SRP54: variants seen among roughly 807,000 people sequenced by gnomAD.
SRP54 encodes the protein signal recognition particle subunit SRP54.
A neutral mutation model predicts 64.8 loss-of-function variants in SRP54; 10 were observed. The ratio of observed to expected loss-of-function variants is 0.15; its 90% CI spans 0.10 to 0.26. SRP54 has a LOEUF of 0.26. Ranked by LOEUF, SRP54 falls within the 10% of genes least tolerant of loss-of-function variation. The probability of loss-of-function intolerance (pLI) is 1.00; values close to 1 mark genes in which losing one functional copy is unlikely to be tolerated. For missense variants in SRP54, 325 were observed against 613.7 expected, an observed-to-expected ratio of 0.53 and a Z score of 4.97; for synonymous variants, 193 against 185.6, an observed-to-expected ratio of 1.04 and a Z score of -0.32.
At chr14:35,007,050 A>T (rs1030923704) in intron 4 of SRP54, among the ~76,000 whole-genome samples, 2 of 152,058 alleles carry the variant, frequency 1.3e-5, no homozygotes, top group African/African-American at 2.4e-5. Flanking sequence ...TTAGTTAACT[A>T]GGTGTGGTGG....
chr14:34,988,805 T>TG (rs1388378842), intron 1 of SRP54, among the ~76,000 whole-genome samples: 5 of 151,530 alleles, frequency 3.3e-5, no homozygotes, highest in Non-Finnish European at 5.9e-5. Flanking sequence ...TCTTGCTATC[T>TG]GGGGGGGATT....
At chr14:35,002,459 C>G (rs79862531) in intron 4 of SRP54, among the ~76,000 whole-genome samples, 55,290 of 148,076 alleles carry the variant, frequency 0.37, 10,797 homozygotes, top group East Asian at 0.69. Context: ...TTTTTTTTGA[C>G]TCTCCCTCTG....
At chr14:35,008,175 G>A (rs1406347673) in intron 5 of SRP54, among the ~76,000 whole-genome samples, 1 of 152,048 alleles carries the variant, frequency 6.6e-6, no homozygotes, top group African/African-American at 2.4e-5. Flanking sequence ...GCAGTGGCAC[G>A]CAAACATAGC....
At chr14:35,022,886 G>T in intron 13 of SRP54, 24 bp from the exon 14 acceptor site, 1 of 1,565,038 alleles carries the variant, frequency 6.4e-7, no homozygotes, top group South Asian at 1.2e-5. Context: ...AATTGTGTGT[G>T]AGAGTAACTG....
chr14:35,014,940 C>A, intron 11 of SRP54, 110 bp downstream of exon 11: 2 of 689,846 alleles, frequency 2.9e-6, no homozygotes, highest in Non-Finnish European at 4.8e-6. Context: ...TCAGATCTTC[C>A]ACTGCTTATT....
intron 1 of SRP54, among the ~76,000 whole-genome samples, chr14:34,984,924 T>TC (rs1317773927): frequency 3.5e-5 from 5 of 143,432 alleles, no homozygotes; most frequent in Admixed American, 7.0e-5. Flanking sequence ...TTTTTTTTTT[T>TC]CACTATGACA....
intron 4 of SRP54, 109 bp downstream of exon 4, chr14:35,001,129 C>A: frequency 1.5e-5 from 5 of 344,748 alleles, no homozygotes; most frequent in East Asian, 5.6e-5. Context: ...GAATATTCAT[C>A]TGTATTAAAA....
intron 2 of SRP54, among the ~76,000 whole-genome samples, chr14:34,998,719 A>G (rs1001734939): frequency 2.0e-5 from 3 of 151,816 alleles, no homozygotes; most frequent in Non-Finnish European, 2.9e-5. Context: ...AGGCTGAGAC[A>G]GGAGAATCTC....
rs771505961 is a variant in SRP54, at chr14:35,029,181, G to T, written c.*29G>T. 23 of 1,573,122 alleles carry T rather than the reference G, an allele frequency of 1.5e-5. No homozygotes were observed. The highest frequency in any genetic ancestry group is 1.7e-4 in the Middle Eastern group (1 of 5,974). The stretch of plus-strand genomic sequence containing the variant: ...AAATGCCTTAATATAAACTGACTCA[G>T]TTGAATACCTAATTTGCTGAGACCT... On this transcript the variant is annotated 3_prime_UTR_variant, in exon 16 of 16. Transcript: ENST00000216774.
chr14:34,984,490 ATTCTT>A (rs2043862730), intron 1 of SRP54, among the ~76,000 whole-genome samples: 1 of 151,918 alleles, frequency 6.6e-6, no homozygotes. Context: ...TCCAAACCTT[ATTCTT>A]TTCATTTCCA....
At chr14:35,005,941 G>T (rs1453085260) in intron 4 of SRP54, among the ~76,000 whole-genome samples, 1 of 152,080 alleles carries the variant, frequency 6.6e-6, no homozygotes, top group African/African-American at 2.4e-5. Context: ...CCGGGTTCAT[G>T]CCATTCTCCT....
chr14:35,001,140 TATTA>T (rs144379252), intron 4 of SRP54, 120 bp downstream of exon 4: 234 of 386,616 alleles, frequency 6.1e-4, no homozygotes, highest in African/African-American at 4.5e-3. Context: ...TGTATTAAAA[TATTA>T]ATGAAAGGAT....
At chr14:34,995,159 G>GTGTGTGTGTT (rs1555353257) in intron 1 of SRP54, among the ~76,000 whole-genome samples, 6 of 140,800 alleles carry the variant, frequency 4.3e-5, no homozygotes, top group African/African-American at 1.6e-4. Flanking sequence ...GTGTGTGTGT[G>GTGTGTGTGTT]TGTGTGTGTG....
intron 4 of SRP54, among the ~76,000 whole-genome samples, chr14:35,003,313 G>A (rs2044206311): frequency 1.3e-5 from 2 of 151,968 alleles, no homozygotes; most frequent in African/African-American, 4.8e-5. Context: ...ACAATGGTAG[G>A]TAAAACTCCC....
At chr14:34,987,423 C>T (rs1402693779) in intron 1 of SRP54, among the ~76,000 whole-genome samples, 1 of 151,782 alleles carries the variant, frequency 6.6e-6, no homozygotes, top group Non-Finnish European at 1.5e-5. Context: ...AAACCCCATA[C>T]CTATTAGCAA....
At position 35,005,274 on chromosome 14, in the gene SRP54, A is replaced by G. The variant is rs540592240; in HGVS notation, c.256-2009A>G. Among the ~76,000 whole-genome samples, 149 of 152,346 alleles carry G rather than the reference A, an allele frequency of 9.8e-4. 1 individual carries two copies. Among genetic ancestry groups the G allele is most frequent in the African/African-American group, 2.8e-3 (115 of 41,584 alleles). On this transcript the variant is annotated intron_variant, in intron 4 of 15. Transcript: ENST00000216774. Reference sequence around the variant, plus strand: ...CTTGAGTCCAAGAGTTCGAGACTGCAGTAAGCCATGATTGATTGTACCAGT... The same window carrying G: ...CTTGAGTCCAAGAGTTCGAGACTGCGGTAAGCCATGATTGATTGTACCAGT...
chr14:35,012,099 C>A (rs566656634), intron 8 of SRP54, among the ~76,000 whole-genome samples: 1 of 151,896 alleles, frequency 6.6e-6, no homozygotes, highest in Admixed American at 6.6e-5. Context: ...TGCCTGTAAT[C>A]CCAGCTACCT....
chr14:35,029,022 T>G (rs773906787), intron 15 of SRP54, 39 bp from the exon 16 acceptor site: 1 of 1,495,536 alleles, frequency 6.7e-7, no homozygotes, highest in Non-Finnish European at 9.3e-7. Flanking sequence ...TGCTTAATAA[T>G]TCTCTGTTTT....
At chr14:34,998,999 GTGTGTGTGTGTGTGGTTTT>G (rs1490754205) in intron 2 of SRP54, among the ~76,000 whole-genome samples, 1 of 96,944 alleles carries the variant, frequency 1.0e-5, no homozygotes, top group African/African-American at 3.5e-5. Context: ...GTGTGTGTGT[GTGTGTGTGTGTGTGGTTTT>G]TTTTTTTTTT....
Sources: gnomAD v4.1 joint callset for allele counts (sites outside exome capture counted in the v4.1 genomes callset) on GRCh38, gnomAD v4.1.1 for gene constraint, MANE v1.5 for transcripts, NCBI Gene and HGNC (gene_info 2026-07-23, HGNC 2026-07-21) for gene names.